The following ZNF732 variants were observed in gnomAD, a reference collection of about 807,000 sequenced individuals.
The protein encoded by ZNF732 is zinc finger protein 732, also known as zinc finger protein LOC654254.
In ZNF732, 12 loss-of-function variants were observed where a neutral mutation model predicts 11.5. The ratio of observed to expected loss-of-function variants is 1.05; its 90% CI spans 0.67 to 1.70. ZNF732 has a LOEUF of 1.70. ZNF732 is among the 40% of genes most tolerant of loss of function. The probability of loss-of-function intolerance (pLI) is 0.00; values close to 1 mark genes in which losing one functional copy is unlikely to be tolerated. For synonymous variants in ZNF732, 231 were observed against 236.5 expected, an observed-to-expected ratio of 0.98 and a Z score of 0.21; for missense variants, 702 against 676.9, an observed-to-expected ratio of 1.04 and a Z score of -0.41.
intron 3 of ZNF732, among the ~76,000 whole-genome samples, chr4:286,988 T>A (rs967188380): frequency 6.6e-6 from 1 of 152,054 alleles, no homozygotes; most frequent in Non-Finnish European, 1.5e-5. Context: ...CCGTCTCTAC[T>A]AAAAATATGA....
At chr4:305,245 G>T (rs1395236324) in intron 1 of ZNF732, 63 bp downstream of exon 1, 13 of 1,576,042 alleles carry the variant, frequency 8.2e-6, no homozygotes, top group Non-Finnish European at 1.0e-5. Flanking sequence ...TCCCGCCGCC[G>T]CCATTTCCCG....
At chr4:294,932 GTAA>G (rs1386880921) in intron 3 of ZNF732, among the ~76,000 whole-genome samples, 1 of 152,076 alleles carries the variant, frequency 6.6e-6, no homozygotes, top group African/African-American at 2.4e-5. Flanking sequence ...AAATTGCTGA[GTAA>G]TAATTTTTGT....
intron 3 of ZNF732, among the ~76,000 whole-genome samples, chr4:294,388 A>G (rs1719903836): frequency 1.3e-5 from 2 of 152,222 alleles, no homozygotes; most frequent in Admixed American, 1.3e-4. Flanking sequence ...CACATATATA[A>G]CTTATTTAGG....
chr4:270,983 C>T lies in ZNF732; in HGVS notation c.*116G>A, dbSNP rs1231865519. 28 of 909,482 alleles carry T rather than the reference C, an allele frequency of 3.1e-5. No individual in the cohort carries two copies. In the African/African-American group the frequency reaches 4.0e-4, roughly 13 times the overall value. 56.3% of individuals were successfully genotyped at this position (909,482 alleles called of 1,614,324 possible). ...CTTACTTTCATTCAGGGTTGTGGAC[C>T]ATCCAAAAGCTTTGCCACATTCTTC... On this transcript the variant is annotated 3_prime_UTR_variant, in exon 4 of 4. Coordinates refer to ENST00000419098, the MANE Select transcript of ZNF732 (RefSeq NM_001137608.3).
chr4:291,550 A>T (rs1553841347), intron 3 of ZNF732, among the ~76,000 whole-genome samples: 1 of 152,248 alleles, frequency 6.6e-6, no homozygotes, highest in East Asian at 1.9e-4. Context: ...TATAACAATA[A>T]ATTTAGACAC....
intron 3 of ZNF732, among the ~76,000 whole-genome samples, chr4:293,677 C>T (rs1719890493): frequency 6.6e-6 from 1 of 152,000 alleles, no homozygotes; most frequent in Non-Finnish European, 1.5e-5. Context: ...CAATTTGCTA[C>T]AACAGTAGGC....
chr4:283,748 A>C (rs186961008), intron 3 of ZNF732, among the ~76,000 whole-genome samples: 3 of 152,290 alleles, frequency 2.0e-5, no homozygotes, highest in Admixed American at 2.0e-4. Flanking sequence ...AAACAACTGC[A>C]CCAAAAGACA....
chr4:302,576 C>A (rs1368263509), intron 1 of ZNF732, among the ~76,000 whole-genome samples: 2 of 152,180 alleles, frequency 1.3e-5, no homozygotes, highest in African/African-American at 2.4e-5. Context: ...TAGGTACCTG[C>A]TGAAGGCAGC....
intron 3 of ZNF732, among the ~76,000 whole-genome samples, chr4:277,795 A>G (rs1719530414): frequency 6.6e-6 from 1 of 152,046 alleles, no homozygotes; most frequent in Non-Finnish European, 1.5e-5. Context: ...CACACAAAAA[A>G]AATTCAAATT....
At chr4:283,999 C>T (rs1719673869) in intron 3 of ZNF732, among the ~76,000 whole-genome samples, 1 of 152,038 alleles carries the variant, frequency 6.6e-6, no homozygotes, top group South Asian at 2.1e-4. Context: ...CAAGTTCCGC[C>T]TCCAGGGTTC....
At chr4:287,721 G>A (rs1333318736) in intron 3 of ZNF732, among the ~76,000 whole-genome samples, 1 of 151,832 alleles carries the variant, frequency 6.6e-6, no homozygotes, top group Non-Finnish European at 1.5e-5. Context: ...TTGGCTCACT[G>A]CAAGCTCCGC....
chr4:295,794 G>A (rs530603157), intron 2 of ZNF732, among the ~76,000 whole-genome samples: 10 of 152,176 alleles, frequency 6.6e-5, no homozygotes, highest in South Asian at 2.1e-4. Flanking sequence ...ATTGAATTTC[G>A]AGAATTACCA....
chr4:276,594 G>A (rs1375453183), intron 3 of ZNF732, among the ~76,000 whole-genome samples: 1 of 151,596 alleles, frequency 6.6e-6, no homozygotes, highest in Non-Finnish European at 1.5e-5. Flanking sequence ...AAGATTTCTA[G>A]TAGCAAACAT....
chr4:303,657 A>C (rs1284349567), intron 1 of ZNF732, among the ~76,000 whole-genome samples: 1 of 152,216 alleles, frequency 6.6e-6, no homozygotes, highest in Non-Finnish European at 1.5e-5. Flanking sequence ...AAATGCTTTA[A>C]GAAAAGGGAG....
At chr4:285,356 A>C (rs1719711676) in intron 3 of ZNF732, among the ~76,000 whole-genome samples, 1 of 152,184 alleles carries the variant, frequency 6.6e-6, no homozygotes, top group Non-Finnish European at 1.5e-5. Context: ...CCAGAAGCCT[A>C]GGCTACTGGA....
intron 2 of ZNF732, 53 bp downstream of exon 2, chr4:295,976 A>C: frequency 6.3e-7 from 1 of 1,575,526 alleles, no homozygotes; most frequent in Non-Finnish European, 8.6e-7. Context: ...CAAAAATAGA[A>C]AATAAAACTC....
chr4:304,977 A>T lies in ZNF732; in HGVS notation c.3+331T>A, dbSNP rs560312857. Among the ~76,000 whole-genome samples the T allele has an allele frequency of 3.0e-4, 45 of 152,312 alleles. No homozygotes were observed. The South Asian group carries it at 8.7e-3, about 29-fold the overall frequency. On this transcript the variant is annotated intron_variant, in intron 1 of 3. Transcript: ENST00000419098. ...CTCGATCTTATTCCGAACAGGGTAA[A>T]GTAGGGACTCGACGACCGGACCACA...
intron 1 of ZNF732, among the ~76,000 whole-genome samples, chr4:304,694 C>A (rs998270335): frequency 5.0e-4 from 76 of 152,300 alleles, no homozygotes; most frequent in Middle Eastern, 3.4e-3. Context: ...TCACAGAACT[C>A]AGCGAAGCGC....
intron 1 of ZNF732, among the ~76,000 whole-genome samples, chr4:299,504 CACACATATACGTATATATGTGTATATAT>C (rs1720060381): frequency 3.8e-5 from 3 of 78,540 alleles, no homozygotes; most frequent in South Asian, 4.6e-4. Flanking sequence ...TGTATATATA[CACACATATACGTATATATGTGTATATAT>C]ACATATATAC....
Sources: gnomAD v4.1 joint callset for allele counts (sites outside exome capture counted in the v4.1 genomes callset) on GRCh38, gnomAD v4.1.1 for gene constraint, MANE v1.5 for transcripts, NCBI Gene and HGNC (gene_info 2026-07-23, HGNC 2026-07-21) for gene names.